ADPRHL1: variants seen among roughly 807,000 people sequenced by gnomAD.
ADPRHL1 encodes the protein inactive ADP-ribosyltransferase ARH2.
ADPRHL1 carries 43 observed loss-of-function variants against 44.1 expected under a neutral mutation model. The observed-to-expected ratio is 0.98, with a 90% confidence interval of 0.76 to 1.26. The LOEUF is 1.26. Among genes scored for constraint, ADPRHL1 ranks in the 50% most tolerant of loss-of-function variants. ADPRHL1 has a pLI of 0.00. For synonymous variants in ADPRHL1, 878 were observed against 1,017.4 expected, an observed-to-expected ratio of 0.86 and a Z score of 2.61; for missense variants, 2,022 against 2,496.9, an observed-to-expected ratio of 0.81 and a Z score of 4.05.
chr13:113,424,793 T>TTCATCCATTC (rs1566473017), intron 5 of ADPRHL1, among the ~76,000 whole-genome samples: 1 of 18,740 alleles, frequency 5.3e-5, no homozygotes, highest in African/African-American at 2.2e-4. Flanking sequence ...CCCATCCATA[T>TTCATCCATTC]ACCCACCCAC....
At position 113,407,683 on chromosome 13, in the gene ADPRHL1, G is replaced by A. The variant is rs1002704622; in HGVS notation, c.1599C>T (p.Ala533=). 4.0e-5 allele frequency: 49 copies of A among 1,232,070 alleles called. No homozygotes were observed. The Admixed American group carries it at 8.4e-4, about 21-fold the overall frequency. The allele number at this position is 1,232,070 out of a possible 1,614,324, so 76.3% of individuals were successfully genotyped here. The change falls in exon 8 of 8, where the codon GCC becomes GCT. Residue 533 remains alanine (A), a synonymous_variant. Coordinates refer to ENST00000612156, the MANE Select transcript of ADPRHL1 (RefSeq NM_001394807.1). Reference sequence around the variant, plus strand: ...TGATCTTCGGCAAGAGGCCCCTGGCGGCTTTGGGCCGCTCCACAGGGGGCT... The same window carrying A: ...TGATCTTCGGCAAGAGGCCCCTGGCAGCTTTGGGCCGCTCCACAGGGGGCT... ...REKPPVERPK[A]ARGLLPKIMG... is the part of the protein sequence containing the mutation.
intron 7 of ADPRHL1, among the ~76,000 whole-genome samples, chr13:113,420,683 G>A (rs1405415887): frequency 6.6e-6 from 1 of 152,014 alleles, no homozygotes. Context: ...AGCACCAGTA[G>A]CAGCACAGTT....
intron 7 of ADPRHL1, among the ~76,000 whole-genome samples, chr13:113,415,883 C>T (rs937403349): frequency 5.3e-5 from 8 of 151,576 alleles, no homozygotes; most frequent in African/African-American, 1.9e-4. Context: ...TAAATCTATA[C>T]TTGATCTTAG....
chr13:113,438,101 G>C (rs2044073992), intron 2 of ADPRHL1, among the ~76,000 whole-genome samples: 1 of 152,068 alleles, frequency 6.6e-6, no homozygotes, highest in African/African-American at 2.4e-5. Context: ...AAAGTGCTGG[G>C]ATTACAGACA....
chr13:113,430,604 A>C (rs2043999911), intron 3 of ADPRHL1, among the ~76,000 whole-genome samples: 1 of 152,082 alleles, frequency 6.6e-6, no homozygotes, highest in Non-Finnish European at 1.5e-5. Context: ...TGACGGTATC[A>C]TGTGGAGGAA....
At chr13:113,415,212 C>A (rs138698186) in intron 7 of ADPRHL1, among the ~76,000 whole-genome samples, 1 of 152,118 alleles carries the variant, frequency 6.6e-6, no homozygotes, top group Non-Finnish European at 1.5e-5. Context: ...CCTAGAGGGA[C>A]GAGAGCCCTT....
At position 113,422,915 on chromosome 13, in the gene ADPRHL1, G is replaced by A. The variant is rs372483819; in HGVS notation, c.972C>T (p.Leu324=). 2.6e-5 allele frequency: 42 copies of A among 1,612,966 alleles called. No individual in the cohort carries two copies. The highest frequency in any genetic ancestry group is 1.6e-4 in the Middle Eastern group (1 of 6,062). ...CLFGLLYGLD[L]VPKGLYQDLE... ...GGTCCTGGTACAAGCCTTTGGGAAC[G>A]AGGTCCAGGCCGTACAGCAACCCGA... The change falls in exon 7 of 8, where the codon CTC becomes CTT. Residue 324 remains leucine, a synonymous_variant. Transcript: ENST00000612156.
At chr13:113,442,065 G>C (rs1416451616) in intron 2 of ADPRHL1, among the ~76,000 whole-genome samples, 1 of 152,242 alleles carries the variant, frequency 6.6e-6, no homozygotes, top group Non-Finnish European at 1.5e-5. Flanking sequence ...AGCATTTCTT[G>C]TTACATGACT....
chr13:113,416,733 T>C (rs1164278536), intron 7 of ADPRHL1, among the ~76,000 whole-genome samples: 1 of 152,262 alleles, frequency 6.6e-6, no homozygotes, highest in East Asian at 1.9e-4. Flanking sequence ...TTATGTTGGA[T>C]AATAGCGTTA....
chr13:113,410,400 G>A lies in ADPRHL1; in HGVS notation c.1062-2180C>T, dbSNP rs557599766. On this transcript the variant is annotated intron_variant, in intron 7 of 7. Transcript: ENST00000612156. ...TTTAACGAGTCCCTGGTGATTCCGA[G>A]GCCGCTGGTCCGGGGACCCCACTCG... 4.6e-5 allele frequency among the ~76,000 whole-genome samples: 7 copies of A among 152,270 alleles called. No homozygotes were observed. The South Asian group carries it at 1.5e-3, about 32-fold the overall frequency.
chr13:113,433,405 GCA>G (rs749952147), intron 3 of ADPRHL1, among the ~76,000 whole-genome samples: 11 of 152,178 alleles, frequency 7.2e-5, no homozygotes, highest in African/African-American at 1.2e-4. Flanking sequence ...TTCTTCCCTT[GCA>G]CAGTTTCTTC....
Position 113,425,191 on chromosome 13 carries a change from G to C in ADPRHL1, c.647-12C>G. On this transcript the variant is annotated splice_polypyrimidine_tract_variant and intron_variant, in intron 4 of 7. Coordinates refer to ENST00000612156, the MANE Select transcript of ADPRHL1 (RefSeq NM_001394807.1). The stretch of plus-strand genomic sequence containing the variant: ...GTGCTCCTGGTATTCTAAACATAAA[G>C]AACAAGGGGAGCTGAACACAATGGC... 7.4e-7 allele frequency: 1 copy of C among 1,354,822 alleles called. No individual in the cohort carries two copies. Among genetic ancestry groups the C allele is most frequent in the Non-Finnish European group, 9.8e-7 (1 of 1,024,588 alleles). 83.9% of individuals were successfully genotyped at this position (1,354,822 alleles called of 1,614,324 possible).
At chr13:113,413,848 T>C (rs557724950) in intron 7 of ADPRHL1, among the ~76,000 whole-genome samples, 41 of 152,248 alleles carry the variant, frequency 2.7e-4, no homozygotes, top group Admixed American at 1.0e-3. Context: ...CAGGGGCCAA[T>C]ATAAACAGCA....
chr13:113,429,769 C>T (rs1032131518), intron 3 of ADPRHL1, among the ~76,000 whole-genome samples: 5 of 152,220 alleles, frequency 3.3e-5, no homozygotes, highest in Admixed American at 6.5e-5. Context: ...CCGACTCACT[C>T]GCCCTGCTGG....
chr13:113,451,109 A>G (rs1457973737), intron 1 of ADPRHL1, among the ~76,000 whole-genome samples: 1 of 152,236 alleles, frequency 6.6e-6, no homozygotes, highest in Admixed American at 6.5e-5. Flanking sequence ...CGGGCATAAC[A>G]GAAGGCTCGC....
chr13:113,435,903 C>G (rs1324627315), intron 2 of ADPRHL1, among the ~76,000 whole-genome samples: 9 of 146,664 alleles, frequency 6.1e-5, no homozygotes, highest in African/African-American at 2.3e-4. Flanking sequence ...ACCCAGCACC[C>G]AGGTGTAGGG....
At chr13:113,452,272 A>T (rs1236571156) in intron 1 of ADPRHL1, among the ~76,000 whole-genome samples, 2 of 152,220 alleles carry the variant, frequency 1.3e-5, no homozygotes, top group Admixed American at 1.3e-4. Context: ...CCCCGTCTCC[A>T]GCAAGCCGGG....
At position 113,422,673 on chromosome 13, in the gene ADPRHL1, T is replaced by C. The variant is rs2043933869; in HGVS notation, c.1061+153A>G. 20 of 940,132 alleles carry C rather than the reference T, an allele frequency of 2.1e-5. No homozygotes were observed. In the South Asian group the frequency reaches 3.3e-4, roughly 15 times the overall value. The allele number at this position is 940,132 out of a possible 1,614,324, so 58.2% of individuals were successfully genotyped here. A position where few individuals can be genotyped will look rare whatever the true frequency, so the allele number is the denominator to read the frequency against. ...GTATTTTATGCAACAGTTAGGATTC[T>C]GAAATTGGAAACAGAGAGTTAGATG... On this transcript the variant is annotated intron_variant, in intron 7 of 7. Coordinates refer to ENST00000612156, the MANE Select transcript of ADPRHL1 (RefSeq NM_001394807.1).
At position 113,441,061 on chromosome 13, in the gene ADPRHL1, G is replaced by A. The variant is rs1230532275; in HGVS notation, c.379+3364C>T. On this transcript the variant is annotated intron_variant, in intron 2 of 7. Coordinates refer to ENST00000612156, the MANE Select transcript of ADPRHL1 (RefSeq NM_001394807.1). The surrounding 1 kb of genome is among the most constrained non-coding windows in gnomAD (Gnocchi z 6.0). ...CCAGCTACTTGGGAGGTGGAGGCAG[G>A]AGAATCAGCTGAACCCGGGAAGTAG... Among the ~76,000 whole-genome samples, 1 of 152,142 alleles carries A rather than the reference G, an allele frequency of 6.6e-6. No individual in the cohort carries two copies. Among genetic ancestry groups the A allele is most frequent in the Non-Finnish European group, 1.5e-5 (1 of 68,030 alleles).
Sources: gnomAD v4.1 joint callset for allele counts (sites outside exome capture counted in the v4.1 genomes callset) on GRCh38, gnomAD v4.1.1 for gene constraint, Gnocchi (gnomAD v3.1) non-coding constraint, MANE v1.5 for transcripts, NCBI Gene and HGNC (gene_info 2026-07-23, HGNC 2026-07-21) for gene names.